TENM3: variants seen among roughly 807,000 people sequenced by gnomAD.
TENM3 encodes teneurin-3.
Under a neutral mutation model 255.1 loss-of-function variants are expected in TENM3, and 63 were observed. The ratio of observed to expected loss-of-function variants is 0.25; its 90% confidence interval spans 0.20 to 0.30. The LOEUF is 0.30. Among genes scored for constraint, TENM3 ranks in the 10% least tolerant of loss-of-function variants. The probability of loss-of-function intolerance (pLI) is 1.00; values close to 1 mark genes in which losing one functional copy is unlikely to be tolerated. For synonymous variants in TENM3, 1,306 were observed against 1,322.3 expected, an observed-to-expected ratio of 0.99 and a Z score of 0.27; for missense variants, 2,929 against 3,461.1, an observed-to-expected ratio of 0.85 and a Z score of 3.86.
At position 182,792,523 on chromosome 4, in the gene TENM3, A is replaced by G. The variant is rs767529545; in HGVS notation, c.5851A>G (p.Arg1951Gly). The change falls in exon 26 of 28, where the codon AGA (arginine) becomes GGA (glycine). Residue 1951 changes from arginine (R) to glycine (G), a missense_variant. Around this residue, in one of 6 missense-constraint regions of TENM3, gnomAD observed 303 missense variants for 425.2 expected, o/e 0.71. Coordinates refer to ENST00000511685, the MANE Select transcript of TENM3 (RefSeq NM_001080477.4). The surrounding 1 kb of genome is among the most constrained non-coding windows in gnomAD (Gnocchi z 6.3). ...GTSRRVLFKY[R>G]RQTRLSEILY... ...AAGTCGGAGGGTCTTATTCAAATAC[A>G]GAAGGCAGACTAGGCTCTCAGAAAT... The G allele has an allele frequency of 6.2e-7, 1 of 1,614,056 alleles. No individual in the cohort carries two copies. The highest frequency in any genetic ancestry group is 8.5e-7 in the Non-Finnish European group (1 of 1,179,898).
At chr4:182,293,989 T>G (rs1364030826) in intron 1 of TENM3, among the ~76,000 whole-genome samples, 1 of 152,134 alleles carries the variant, frequency 6.6e-6, no homozygotes, top group Non-Finnish European at 1.5e-5. Context: ...TTTGGGAGGT[T>G]GGGTCTTTCC....
chr4:182,206,320 G>A (rs534842114), intron 1 of TENM3, among the ~76,000 whole-genome samples: 9 of 152,254 alleles, frequency 5.9e-5, no homozygotes, highest in Admixed American at 2.6e-4. Context: ...TCCCCACAGA[G>A]CCTCAGGATT....
the TENM3 span, among the ~76,000 whole-genome samples, chr4:181,658,069 A>G: frequency 1.3e-5 from 2 of 152,322 alleles, no homozygotes; most frequent in South Asian, 2.1e-4. Flanking sequence ...GATGAGATCC[A>G]TAGAAGCCCA....
chr4:181,943,913 G>A, the TENM3 span, among the ~76,000 whole-genome samples: 14 of 152,104 alleles, frequency 9.2e-5, 1 homozygote, highest in African/African-American at 3.1e-4. Context: ...TCTCTATCTC[G>A]CCACACAGAA....
chr4:182,737,821 A>G (rs1761288653), intron 17 of TENM3, among the ~76,000 whole-genome samples: 2 of 152,038 alleles, frequency 1.3e-5, no homozygotes, highest in South Asian at 4.2e-4. Context: ...TTCTCCTTTC[A>G]TTTTTTCTCA....
At chr4:182,034,919 A>G in the TENM3 span, among the ~76,000 whole-genome samples, 55 of 152,058 alleles carry the variant, frequency 3.6e-4, no homozygotes, top group Non-Finnish European at 7.4e-4. Context: ...CCTGAGTTCA[A>G]TGTTGGCCTG....
chr4:181,845,655 G>C, the TENM3 span, among the ~76,000 whole-genome samples: 2,454 of 152,226 alleles, frequency 0.016, 69 homozygotes, highest in African/African-American at 0.054. Context: ...TGCCTGCTTT[G>C]GTCTTTGCAC....
intron 1 of TENM3, among the ~76,000 whole-genome samples, chr4:182,292,799 TAAA>T (rs1761206330): frequency 6.6e-6 from 1 of 152,108 alleles, no homozygotes; most frequent in Non-Finnish European, 1.5e-5. Flanking sequence ...GACACTAGTG[TAAA>T]TATGCTAAGG....
the TENM3 span, among the ~76,000 whole-genome samples, chr4:181,997,248 A>C: frequency 6.6e-6 from 1 of 152,148 alleles, no homozygotes; most frequent in Non-Finnish European, 1.5e-5. Flanking sequence ...CAAAGATGAT[A>C]GTGGCCATTT....
At chr4:181,809,677 G>A in the TENM3 span, among the ~76,000 whole-genome samples, 1 of 152,156 alleles carries the variant, frequency 6.6e-6, no homozygotes, top group Non-Finnish European at 1.5e-5. Context: ...ATCTACAAAT[G>A]TTACCTTGCA....
the TENM3 span, among the ~76,000 whole-genome samples, chr4:181,845,187 C>T: frequency 6.6e-6 from 1 of 152,074 alleles, no homozygotes; most frequent in African/African-American, 2.4e-5. Context: ...CTTTTCAAAA[C>T]TTGAGACTAT....
chr4:182,683,947 G>A lies in TENM3; in HGVS notation c.2035+1933G>A, dbSNP rs79635489. 2.1e-3 allele frequency among the ~76,000 whole-genome samples: 319 copies of A among 152,034 alleles called. 6 individuals carry two copies. The East Asian group carries it at 0.059, about 28-fold the overall frequency. ...ACACAATAGAGACGTGTGTTGAGAA[G>A]AGCTGTAAGAATGAAGCAAGGAAAA... On this transcript the variant is annotated intron_variant, in intron 11 of 27. Coordinates refer to ENST00000511685, the MANE Select transcript of TENM3 (RefSeq NM_001080477.4).
At chr4:182,116,452 G>T in the TENM3 span, among the ~76,000 whole-genome samples, 5 of 152,104 alleles carry the variant, frequency 3.3e-5, no homozygotes, top group East Asian at 3.9e-4. Context: ...GATCATGGGG[G>T]TGGTTCCCCC....
At chr4:182,563,215 G>A (rs997802193) in intron 3 of TENM3, among the ~76,000 whole-genome samples, 8 of 152,156 alleles carry the variant, frequency 5.3e-5, no homozygotes, top group African/African-American at 1.9e-4. Flanking sequence ...AGGAGTTCAA[G>A]ACCAGCCTGG....
In TENM3 at chr4:182,729,169, C is replaced by A. The variant is rs1373823697; in HGVS notation, c.2573C>A (p.Pro858His). ...DSTHVIPGES[P>H]FNKSLASVIR... The stretch of plus-strand genomic sequence containing the variant: ...ACCCATGTTATACCTGGAGAAAGTC[C>A]TTTCAATAAGAGGTTAATGCTTCTT... Residue 858 changes from proline (P) to histidine (H), a missense_variant, in exon 14 of 28, where the codon CCT (proline) becomes CAT (histidine). Pro to His is a moderately conservative substitution (Grantham distance 77, BLOSUM62 -2). Transcript: ENST00000511685. 6.2e-7 allele frequency: 1 copy of A among 1,613,362 alleles called. No individual in the cohort carries two copies. The highest frequency in any genetic ancestry group is 1.1e-5 in the South Asian group (1 of 91,052).
chr4:181,475,200 G>A, the TENM3 span, among the ~76,000 whole-genome samples: 1 of 152,138 alleles, frequency 6.6e-6, no homozygotes, highest in Non-Finnish European at 1.5e-5. Context: ...CCATGCTACA[G>A]CATTCAGAAA....
At chr4:182,194,363 A>C (rs779009193) in intron 1 of TENM3, among the ~76,000 whole-genome samples, 30 of 152,206 alleles carry the variant, frequency 2.0e-4, no homozygotes, top group Non-Finnish European at 2.8e-4. Context: ...CGTGTTGCCA[A>C]ACCTTCGGTA....
chr4:181,874,124 G>A, the TENM3 span, among the ~76,000 whole-genome samples: 1 of 152,086 alleles, frequency 6.6e-6, no homozygotes, highest in South Asian at 2.1e-4. Flanking sequence ...TCACCATGCT[G>A]GCCAGGCTGG....
chr4:182,304,272 G>A (rs1762007998), intron 1 of TENM3, among the ~76,000 whole-genome samples: 1 of 152,046 alleles, frequency 6.6e-6, no homozygotes, highest in Non-Finnish European at 1.5e-5. Flanking sequence ...GAGTGCAGTG[G>A]TACGATCTTG....
Sources: gnomAD v4.1 joint callset for allele counts (sites outside exome capture counted in the v4.1 genomes callset) on GRCh38, gnomAD v4.1.1 for gene constraint, gnomAD v4.1.1 regional missense constraint, Gnocchi (gnomAD v3.1) non-coding constraint, MANE v1.5 for transcripts, NCBI Gene and HGNC (gene_info 2026-07-23, HGNC 2026-07-21) for gene names.